The following GPC5 variants were observed in gnomAD, a reference collection of about 807,000 sequenced individuals.
GPC5 encodes the protein glypican-5.
Under a neutral mutation model 53.9 loss-of-function variants are expected in GPC5, and 47 were observed. The observed-to-expected ratio is 0.87, with a 90% confidence interval of 0.69 to 1.11. The LOEUF (loss-of-function observed/expected upper bound fraction) is 1.11. Among genes scored for constraint, GPC5 ranks in the 50% most tolerant of loss-of-function variants. The pLI, the probability that GPC5 is intolerant of heterozygous loss-of-function variation, is 0.00. For missense variants in GPC5, 748 were observed against 713.1 expected (o/e 1.05, Z -0.56); for synonymous variants, 286 against 263.3 (o/e 1.09, Z -0.84).
chr13:92,287,389 T>G (rs2042963607), intron 7 of GPC5, among the ~76,000 whole-genome samples: 1 of 152,126 alleles, frequency 6.6e-6, no homozygotes, highest in African/African-American at 2.4e-5. Context: ...GCTTACAAGG[T>G]TTTTCAAGCC....
intron 5 of GPC5, among the ~76,000 whole-genome samples, chr13:91,882,372 A>AT (rs1301332103): frequency 6.6e-6 from 1 of 152,078 alleles, no homozygotes; most frequent in Non-Finnish European, 1.5e-5. Flanking sequence ...TTAATAAGCC[A>AT]TAACAGAGAG....
At chr13:91,501,832 C>T (rs1185013469) in intron 2 of GPC5, among the ~76,000 whole-genome samples, 2 of 152,224 alleles carry the variant, frequency 1.3e-5, no homozygotes, top group South Asian at 2.1e-4. Flanking sequence ...CTGACTTCCA[C>T]AATGGTTGAA....
At chr13:92,367,831 G>T (rs1243640650) in intron 7 of GPC5, among the ~76,000 whole-genome samples, 1 of 152,126 alleles carries the variant, frequency 6.6e-6, no homozygotes, top group Non-Finnish European at 1.5e-5. Context: ...AAATTGGAAG[G>T]TGCTGAGTTT....
chr13:92,083,212 A>G (rs1363344193), intron 6 of GPC5, among the ~76,000 whole-genome samples: 9 of 152,196 alleles, frequency 5.9e-5, no homozygotes, highest in African/African-American at 1.9e-4. Context: ...TGGGGATTCT[A>G]GCTTTGTCTG....
intron 6 of GPC5, among the ~76,000 whole-genome samples, chr13:91,921,351 AG>A (rs1316930456): frequency 6.6e-6 from 1 of 152,208 alleles, no homozygotes; most frequent in African/African-American, 2.4e-5. Context: ...AATGGGAAAA[AG>A]GATGACTGTG....
chr13:91,464,355 C>T (rs1369498867), intron 2 of GPC5, among the ~76,000 whole-genome samples: 2 of 152,010 alleles, frequency 1.3e-5, no homozygotes, highest in Non-Finnish European at 2.9e-5. Flanking sequence ...TTGTATTGTC[C>T]AATAAATGCA....
intron 2 of GPC5, among the ~76,000 whole-genome samples, chr13:91,498,745 C>T (rs927784937): frequency 2.0e-5 from 3 of 151,682 alleles, no homozygotes; most frequent in Admixed American, 6.6e-5. Context: ...CTGAGGTGGG[C>T]GGATCATTTG....
chr13:92,255,510 T>C (rs1415974112), intron 7 of GPC5, among the ~76,000 whole-genome samples: 4 of 152,134 alleles, frequency 2.6e-5, no homozygotes, highest in Non-Finnish European at 4.4e-5. Context: ...TAAAAGAGTA[T>C]TATTATAATG....
intron 6 of GPC5, among the ~76,000 whole-genome samples, chr13:92,032,357 GCA>G (rs2138810004): frequency 6.6e-6 from 1 of 150,962 alleles, no homozygotes; most frequent in East Asian, 2.0e-4. Context: ...GGTGATGGAT[GCA>G]CCAAAATCTT....
chr13:91,823,164 G>A (rs1215082001), intron 5 of GPC5, among the ~76,000 whole-genome samples: 3 of 151,942 alleles, frequency 2.0e-5, no homozygotes, highest in South Asian at 2.1e-4. Flanking sequence ...GTTTTAAATC[G>A]CAGAACTATG....
intron 7 of GPC5, among the ~76,000 whole-genome samples, chr13:92,246,971 C>T (rs2042655774): frequency 6.6e-6 from 1 of 152,204 alleles, no homozygotes; most frequent in South Asian, 2.1e-4. Context: ...AAATATTTCT[C>T]TTTCAATTTT....
chr13:91,566,291 C>T (rs1287309463), intron 2 of GPC5, among the ~76,000 whole-genome samples: 2 of 152,028 alleles, frequency 1.3e-5, no homozygotes, highest in Admixed American at 6.6e-5. Context: ...TCTGGCCGGG[C>T]GCGGTGGCTT....
intron 7 of GPC5, among the ~76,000 whole-genome samples, chr13:92,697,290 G>T (rs552732724): frequency 1.4e-4 from 22 of 152,252 alleles, no homozygotes; most frequent in Middle Eastern, 3.4e-3. Context: ...AATTTGGGCA[G>T]TACAGCCATT....
chr13:91,656,955 T>A (rs760246666), intron 2 of GPC5, among the ~76,000 whole-genome samples: 4 of 152,162 alleles, frequency 2.6e-5, no homozygotes, highest in Admixed American at 1.3e-4. Context: ...AAAAAGGAAC[T>A]CAGGGTTTGT....
chr13:91,482,225 A>G (rs1186381266), intron 2 of GPC5, among the ~76,000 whole-genome samples: 1 of 152,096 alleles, frequency 6.6e-6, no homozygotes. Context: ...GTAGGAGTGG[A>G]TTTGCTCTCT....
In GPC5 at chr13:91,693,637, C is replaced by G. The variant is rs141328977; in HGVS notation, c.776C>G (p.Pro259Arg). 2.4e-4 allele frequency: 383 copies of G among 1,614,070 alleles called. 6 individuals are homozygous for G. In the South Asian group the frequency reaches 4.1e-3, roughly 17 times the overall value. ...GCCCTCCTGAAGATGCAATACTGCC[C>G]GCACTGCCAAGGCCTGGCGCTCACT... is the stretch of plus-strand genomic sequence containing the variant. ...SRALLKMQYC[P>R]HCQGLALTKP... The change falls in exon 3 of 8, where the codon CCG becomes CGG. Residue 259 changes from proline (P) to arginine (R), a missense_variant. By Grantham distance (103) the Pro-to-Arg change is moderately radical. Coordinates refer to ENST00000377067, the MANE Select transcript of GPC5 (RefSeq NM_004466.6).
At chr13:92,025,712 T>G (rs1536369) in intron 6 of GPC5, among the ~76,000 whole-genome samples, 61,929 of 152,074 alleles carry the variant, frequency 0.41, 14,229 homozygotes, top group East Asian at 0.76. Flanking sequence ...AGTATATGCA[T>G]GTCCATTATA....
intron 7 of GPC5, among the ~76,000 whole-genome samples, chr13:92,660,784 T>C (rs1332580378): frequency 6.6e-6 from 1 of 152,164 alleles, no homozygotes; most frequent in African/African-American, 2.4e-5. Context: ...TTTTCTATTA[T>C]GATGGAAATA....
chr13:91,575,352 T>A (rs986381879), intron 2 of GPC5, among the ~76,000 whole-genome samples: 3 of 152,120 alleles, frequency 2.0e-5, no homozygotes, highest in Admixed American at 2.0e-4. Flanking sequence ...GTGAGTCAGA[T>A]GTATTTGTTC....
Sources: gnomAD v4.1 joint callset for allele counts (sites outside exome capture counted in the v4.1 genomes callset) on GRCh38, gnomAD v4.1.1 for gene constraint, MANE v1.5 for transcripts, NCBI Gene and HGNC (gene_info 2026-07-23, HGNC 2026-07-21) for gene names.